Variants in MRPS27 observed in about 807,000 individuals in gnomAD.
MRPS27 encodes the protein mitochondrial ribosomal protein S27.
A neutral mutation model predicts 48.9 loss-of-function variants in MRPS27; 43 were observed. The ratio of observed to expected loss-of-function variants is 0.88; its 90% CI spans 0.69 to 1.13. The LOEUF (loss-of-function observed/expected upper bound fraction) is 1.13. MRPS27 is among the 50% of genes most tolerant of loss of function. MRPS27 has a pLI of 0.00. For synonymous variants in MRPS27, 188 were observed against 171.9 expected (o/e 1.09, Z -0.73); for missense variants, 467 against 476.3 (o/e 0.98, Z 0.18).
chr5:72,254,322 C>A, intron 4 of MRPS27, among the ~76,000 whole-genome samples: 1 of 152,214 alleles, frequency 6.6e-6, no homozygotes, highest in Middle Eastern at 3.4e-3. Flanking sequence ...AACTAGGGAG[C>A]ATACATCATG....
chr5:72,297,596 T>C (rs758877626), intron 3 of MRPS27, 36 bp downstream of exon 3: 28 of 1,392,580 alleles, frequency 2.0e-5, no homozygotes, highest in Non-Finnish European at 2.8e-5. Context: ...CTTTCTTCCT[T>C]GTTCTTGGAA....
chr5:72,289,840 G>A (rs559262839), intron 4 of MRPS27, among the ~76,000 whole-genome samples: 17 of 152,192 alleles, frequency 1.1e-4, no homozygotes, highest in African/African-American at 1.9e-4. Context: ...ATTGACACCC[G>A]GATAGTAGAA....
At chr5:72,221,848 A>G (rs1261048864) in intron 10 of MRPS27, among the ~76,000 whole-genome samples, 1 of 152,046 alleles carries the variant, frequency 6.6e-6, no homozygotes, top group South Asian at 2.1e-4. Flanking sequence ...GCCTGCTTAC[A>G]GCTCCATCTG....
intron 9 of MRPS27, among the ~76,000 whole-genome samples, chr5:72,225,597 C>G (rs7721500): frequency 0.059 from 8,972 of 152,236 alleles, 450 homozygotes; most frequent in African/African-American, 0.14. Context: ...TGACCGAGAT[C>G]TCATCAGCAT....
intron 4 of MRPS27, among the ~76,000 whole-genome samples, chr5:72,275,828 T>C (rs1414029524): frequency 6.6e-6 from 1 of 152,188 alleles, no homozygotes; most frequent in Non-Finnish European, 1.5e-5. Flanking sequence ...ATTTGATTTT[T>C]TTTTTTAGAT....
At chr5:72,256,641 T>C (rs1748816567) in intron 4 of MRPS27, among the ~76,000 whole-genome samples, 1 of 152,184 alleles carries the variant, frequency 6.6e-6, no homozygotes, top group Non-Finnish European at 1.5e-5. Flanking sequence ...CAGAAATAGA[T>C]GGGTGAGGCA....
At chr5:72,290,926 C>G (rs1207369825) in intron 4 of MRPS27, among the ~76,000 whole-genome samples, 1 of 152,190 alleles carries the variant, frequency 6.6e-6, no homozygotes, top group Non-Finnish European at 1.5e-5. Flanking sequence ...GCTGCTACCA[C>G]TGGGAAAGAG....
chr5:72,304,008 T>TG lies in MRPS27; in HGVS notation c.152-6307dup, dbSNP rs537086075. Among the ~76,000 whole-genome samples the TG allele has an allele frequency of 4.4e-4, 67 of 151,718 alleles. No homozygotes were observed. In the South Asian group the frequency reaches 0.012, roughly 27 times the overall value. ...TAGAACTCAATAAAATTGGTTAAATTGGGGGGGAACTGACTGTTTAAAATA... is the reference window on the plus strand; with the variant it reads ...TAGAACTCAATAAAATTGGTTAAATTGGGGGGGGAACTGACTGTTTAAAATA... On this transcript the variant is annotated intron_variant, in intron 2 of 10. Coordinates refer to ENST00000261413, the MANE Select transcript of MRPS27 (RefSeq NM_015084.3).
At chr5:72,316,651 A>T (rs572877137) in intron 1 of MRPS27, among the ~76,000 whole-genome samples, 1 of 149,146 alleles carries the variant, frequency 6.7e-6, no homozygotes, top group South Asian at 2.3e-4. Context: ...TACAGGCGTG[A>T]GCCACCATGC....
chr5:72,252,864 T>C (rs1031021867), intron 4 of MRPS27, among the ~76,000 whole-genome samples: 33 of 152,158 alleles, frequency 2.2e-4, no homozygotes, highest in Non-Finnish European at 7.4e-5. Context: ...CTTTTCTCCT[T>C]GGACAGTCAG....
At chr5:72,266,899 C>T (rs10042732) in intron 4 of MRPS27, among the ~76,000 whole-genome samples, 37,637 of 151,938 alleles carry the variant, frequency 0.25, 4,934 homozygotes, top group East Asian at 0.42. Context: ...GTGGTTACCA[C>T]TAGGTTCATG....
intron 5 of MRPS27, among the ~76,000 whole-genome samples, chr5:72,236,183 T>A (rs1017473689): frequency 2.6e-5 from 4 of 152,160 alleles, no homozygotes; most frequent in South Asian, 4.1e-4. Flanking sequence ...AAAATTTTTT[T>A]AAATTCCAAT....
intron 4 of MRPS27, among the ~76,000 whole-genome samples, chr5:72,254,436 G>A (rs1748742883): frequency 6.6e-6 from 1 of 152,026 alleles, no homozygotes; most frequent in Non-Finnish European, 1.5e-5. Flanking sequence ...AAAAAAGACG[G>A]GAAAGAAAAA....
chr5:72,303,661 T>A (rs549264584), intron 2 of MRPS27, among the ~76,000 whole-genome samples: 24 of 152,074 alleles, frequency 1.6e-4, no homozygotes, highest in Non-Finnish European at 3.2e-4. Flanking sequence ...TCAATAGGAA[T>A]GATAAAATCC....
intron 4 of MRPS27, among the ~76,000 whole-genome samples, chr5:72,281,177 G>A (rs372623740): frequency 1.2e-4 from 19 of 152,150 alleles, no homozygotes; most frequent in East Asian, 5.8e-4. Flanking sequence ...TGCTTCTCCC[G>A]ATGTTACAAT....
intron 4 of MRPS27, among the ~76,000 whole-genome samples, chr5:72,282,354 T>C (rs1478118101): frequency 6.6e-6 from 1 of 152,206 alleles, no homozygotes; most frequent in African/African-American, 2.4e-5. Flanking sequence ...AAACGATCTC[T>C]TAATTATTTT....
At chr5:72,228,126 G>A (rs925897685) in intron 8 of MRPS27, 140 bp downstream of exon 8, 8 of 717,156 alleles carry the variant, frequency 1.1e-5, no homozygotes, top group South Asian at 1.8e-5. Flanking sequence ...AGGCCATCAA[G>A]GTCTATTTTT....
At chr5:72,240,977 GCT>G (rs1748334666) in intron 4 of MRPS27, among the ~76,000 whole-genome samples, 2 of 152,164 alleles carry the variant, frequency 1.3e-5, no homozygotes, top group African/African-American at 4.8e-5. Flanking sequence ...CTTGGTATGA[GCT>G]CTGCTCTCTA....
intron 2 of MRPS27, among the ~76,000 whole-genome samples, chr5:72,308,731 CAA>C (rs1174298313): frequency 1.3e-5 from 2 of 152,220 alleles, no homozygotes; most frequent in African/African-American, 4.8e-5. Flanking sequence ...AAACCGAAAA[CAA>C]TGTCCATTTT....
Sources: gnomAD v4.1 joint callset for allele counts (sites outside exome capture counted in the v4.1 genomes callset) on GRCh38, gnomAD v4.1.1 for gene constraint, MANE v1.5 for transcripts, NCBI Gene and HGNC (gene_info 2026-07-23, HGNC 2026-07-21) for gene names.